Variants in TMEM145 observed in about 807,000 individuals in gnomAD.
The protein encoded by TMEM145 is transmembrane protein 145.
TMEM145 carries 46 observed loss-of-function variants against 68.5 expected under a neutral mutation model. That is an observed-to-expected ratio of 0.67 (90% CI 0.53 to 0.86). The LOEUF (loss-of-function observed/expected upper bound fraction) is 0.86, where lower values mean the gene tolerates loss of function less well. Among genes scored for constraint, TMEM145 ranks in the 40% least tolerant of loss-of-function variants. The pLI is 0.00. For missense variants in TMEM145, 570 were observed against 645.8 expected (o/e 0.88, Z 1.27); for synonymous variants, 255 against 280.2 (o/e 0.91, Z 0.90).
At chr19:42,317,114 A>C in intron 11 of TMEM145, 151 bp downstream of exon 11, 1 of 680,038 alleles carries the variant, frequency 1.5e-6, no homozygotes, top group Non-Finnish European at 2.6e-6. Context: ...CCATCTGTCT[A>C]AGTGATTCCT....
At chr19:42,314,878 G>A (rs199935777) in intron 5 of TMEM145, 27 bp downstream of exon 5, 17 of 1,614,122 alleles carry the variant, frequency 1.1e-5, no homozygotes, top group African/African-American at 2.7e-5. Context: ...GGTATATTGC[G>A]CTCAGCAAGT....
chr19:42,313,369 C>G lies in TMEM145; in HGVS notation c.-8C>G, dbSNP rs1264577421. ...AGCCGGAGCGGAGCCGGGGCCGGAGCGGGCGGAATGGAGCCCCTGCGCGCG... is the reference window on the plus strand; with the variant it reads ...AGCCGGAGCGGAGCCGGGGCCGGAGGGGGCGGAATGGAGCCCCTGCGCGCG... On this transcript the variant is annotated 5_prime_UTR_variant, in exon 1 of 15. Transcript: ENST00000301204. This position sits in a 1 kb window ranked among gnomAD's most constrained non-coding sequence, Gnocchi z 5.1. 2.7e-6 allele frequency: 3 copies of G among 1,116,850 alleles called. No individual in the cohort carries two copies. The highest frequency in any genetic ancestry group is 6.5e-5 in the East Asian group (2 of 30,630). The allele number at this position is 1,116,850 out of a possible 1,614,324, so 69.2% of individuals were successfully genotyped here.
intron 12 of TMEM145, among the ~76,000 whole-genome samples, chr19:42,318,593 A>G (rs1221054191): frequency 6.6e-6 from 1 of 151,548 alleles, no homozygotes; most frequent in Non-Finnish European, 1.5e-5. Context: ...AGGCTGAGGC[A>G]GGAGAATTGC....
At chr19:42,314,556 G>T (rs762416769) in intron 3 of TMEM145, 28 bp downstream of exon 3, 11 of 1,614,168 alleles carry the variant, frequency 6.8e-6, no homozygotes, top group East Asian at 4.5e-5. Flanking sequence ...GGCATAGGGG[G>T]AGAGGGGAGA....
chr19:42,316,080 C>G (rs906699946), intron 8 of TMEM145, among the ~76,000 whole-genome samples: 1 of 151,688 alleles, frequency 6.6e-6, no homozygotes, highest in Non-Finnish European at 1.5e-5. Context: ...ACTCCTGAGT[C>G]TGGGGGAGGA....
chr19:42,323,750 C>A lies in TMEM145; in HGVS notation c.1362C>A (p.Asn454Lys), dbSNP rs757862802. Residue 454 changes from asparagine to lysine, a missense_variant, in exon 14 of 15, where the codon AAC becomes AAA. Asn to Lys is a moderately conservative substitution (Grantham distance 94, BLOSUM62 0). Coordinates refer to ENST00000301204, the MANE Select transcript of TMEM145 (RefSeq NM_173633.3). ...CGTTTATCAGCGACTCGGTGCCCAA[C>A]TTCACGGAGCTCTTCTCCATCCCCC... ...NVTFISDSVP[N>K]FTELFSIPPP... 3 of 1,614,198 alleles carry A rather than the reference C, an allele frequency of 1.9e-6. No homozygotes were observed. The Admixed American group carries it at 5.0e-5, about 27-fold the overall frequency.
chr19:42,324,919 C>G lies in TMEM145; in HGVS notation c.*102C>G. On this transcript the variant is annotated 3_prime_UTR_variant, in exon 15 of 15. Transcript: ENST00000301204. ...ATGGATATTGCGATGCTGGTCTCGA[C>G]CCTGAAACCCTCCCTCGGATCTGTG... is the stretch of plus-strand genomic sequence containing the variant. The G allele has an allele frequency of 7.5e-6, 10 of 1,329,242 alleles. No individual in the cohort carries two copies. The highest frequency in any genetic ancestry group is 9.6e-6 in the Non-Finnish European group (10 of 1,040,606). 82.3% of individuals were successfully genotyped at this position (1,329,242 alleles called of 1,614,324 possible). A position where few individuals can be genotyped will look rare whatever the true frequency, so the allele number is the denominator to read the frequency against.
rs760909718 is a variant in TMEM145, at chr19:42,314,674, C to A, written c.335C>A (p.Thr112Asn). The change falls in exon 4 of 15, where the codon ACC (threonine) becomes AAC (asparagine). Residue 112 changes from threonine (T) to asparagine (N), a missense_variant. Coordinates refer to ENST00000301204, the MANE Select transcript of TMEM145 (RefSeq NM_173633.3). The part of the protein sequence containing the change: ...PENNQVINLT[T>N]QYAWSGCQVV... ...AACAACCAGGTCATCAACCTCACCA[C>A]CCAGTATGCCTGGTCCGGCTGTCAG... The A allele has an allele frequency of 4.3e-6, 7 of 1,614,108 alleles. No individual in the cohort carries two copies. The highest frequency in any genetic ancestry group is 5.9e-6 in the Non-Finnish European group (7 of 1,180,050).
chr19:42,320,937 T>G, intron 13 of TMEM145: 1 of 396,842 alleles, frequency 2.5e-6, no homozygotes, highest in Non-Finnish European at 4.4e-6. Context: ...CCCATGCCCA[T>G]TTTCTTCTGT....
chr19:42,323,804 C>T lies in TMEM145; in HGVS notation c.1401+15C>T, dbSNP rs936508771. The T allele has an allele frequency of 1.9e-6, 3 of 1,612,044 alleles. No homozygotes were observed. Among genetic ancestry groups the T allele is most frequent in the African/African-American group, 1.3e-5 (1 of 74,946 alleles). ...CCGCCACCTCCGTAAGCCCCGCGGCCCCAGCGCCCGAGGAGCTGCTGGCGC... is the reference window on the plus strand; with the variant it reads ...CCGCCACCTCCGTAAGCCCCGCGGCTCCAGCGCCCGAGGAGCTGCTGGCGC... On this transcript the variant is annotated intron_variant, in intron 14 of 14. Coordinates refer to ENST00000301204, the MANE Select transcript of TMEM145 (RefSeq NM_173633.3).
rs1253457182 is a variant in TMEM145, at chr19:42,316,965, T to C, written c.900+2T>C. ...GTGCTGCTCATCTACGAGGCGGAAGTGAGTCCGACTGGCCCCTGGCCGGGC... is the reference window on the plus strand; with the variant it reads ...GTGCTGCTCATCTACGAGGCGGAAGCGAGTCCGACTGGCCCCTGGCCGGGC... On this transcript the variant is annotated splice_donor_variant, in intron 11 of 14. Coordinates refer to ENST00000301204, the MANE Select transcript of TMEM145 (RefSeq NM_173633.3). LOFTEE classifies it high-confidence loss of function. The C allele has an allele frequency of 6.2e-7, 1 of 1,612,666 alleles. No individual in the cohort carries two copies. Among genetic ancestry groups the C allele is most frequent in the Non-Finnish European group, 8.5e-7 (1 of 1,179,630 alleles).
intron 13 of TMEM145, among the ~76,000 whole-genome samples, chr19:42,320,663 T>C (rs575090884): frequency 1.3e-5 from 2 of 151,934 alleles, no homozygotes; most frequent in African/African-American, 4.8e-5. Context: ...AGTCTCACTC[T>C]GTCTCCCAGG....
chr19:42,314,550 T>G, intron 3 of TMEM145, 22 bp downstream of exon 3: 1 of 1,614,106 alleles, frequency 6.2e-7, no homozygotes, highest in Non-Finnish European at 8.5e-7. Flanking sequence ...GAAGAGGGCA[T>G]AGGGGGAGAG....
chr19:42,323,781 G>T lies in TMEM145; in HGVS notation c.1393G>T (p.Ala465Ser), dbSNP rs975167884. The change falls in exon 14 of 15, where the codon GCC becomes TCC. Residue 465 changes from alanine (A) to serine (S), a missense_variant. Transcript: ENST00000301204. ...FTELFSIPPP[A>S]TSPLPRAAPD... is the part of the protein sequence containing the mutation. Reference sequence around the variant, plus strand: ...GGAGCTCTTCTCCATCCCCCCGCCCGCCACCTCCGTAAGCCCCGCGGCCCC... The same window carrying T: ...GGAGCTCTTCTCCATCCCCCCGCCCTCCACCTCCGTAAGCCCCGCGGCCCC... 1.9e-6 allele frequency: 3 copies of T among 1,612,842 alleles called. No individual in the cohort carries two copies. Among genetic ancestry groups the T allele is most frequent in the Non-Finnish European group, 2.5e-6 (3 of 1,179,670 alleles).
At position 42,314,633 on chromosome 19, in the gene TMEM145, A is replaced by G; in HGVS notation, c.294A>G (p.Ser98=). 6.2e-7 allele frequency: 1 copy of G among 1,614,184 alleles called. No homozygotes were observed. Among genetic ancestry groups the G allele is most frequent in the Non-Finnish European group, 8.5e-7 (1 of 1,180,008 alleles). ...AGDKDCLAKE[S]VIRPENNQVI... The stretch of plus-strand genomic sequence containing the variant: ...CCCAGGACTGCCTGGCCAAGGAGTC[A>G]GTGATCCGGCCGGAGAACAACCAGG... The change falls in exon 4 of 15, where the codon TCA becomes TCG. Residue 98 remains serine, a synonymous_variant. Transcript: ENST00000301204.
intron 13 of TMEM145, chr19:42,321,807 T>C (rs1390824109): frequency 6.6e-6 from 1 of 152,212 alleles, no homozygotes; most frequent in African/African-American, 2.4e-5. Context: ...TGAACCAGTC[T>C]GTTTCATTCT....
chr19:42,313,586 G>T lies in TMEM145; in HGVS notation c.120+90G>T. 1 of 1,035,240 alleles carries T rather than the reference G, an allele frequency of 9.7e-7. No individual in the cohort carries two copies. Among genetic ancestry groups the T allele is most frequent in the South Asian group, 4.1e-5 (1 of 24,144 alleles). 64.1% of individuals were successfully genotyped at this position (1,035,240 alleles called of 1,614,324 possible). A position where few individuals can be genotyped will look rare whatever the true frequency, so the allele number is the denominator to read the frequency against. Reference sequence around the variant, plus strand: ...AGCGGGTACCGCCTCGCCCCCTGCCGCCCCTCCTGGCGGACTCCGGGAGCC... The same window carrying T: ...AGCGGGTACCGCCTCGCCCCCTGCCTCCCCTCCTGGCGGACTCCGGGAGCC... On this transcript the variant is annotated intron_variant, in intron 1 of 14. Transcript: ENST00000301204. The surrounding 1 kb of genome is among the most constrained non-coding windows in gnomAD (Gnocchi z 5.1).
In TMEM145 at chr19:42,315,193, C is replaced by T. The variant is rs1243143077; in HGVS notation, c.511C>T (p.Leu171=). Residue 171 remains leucine, a synonymous_variant, in exon 7 of 15, where the codon CTG becomes TTG. Coordinates refer to ENST00000301204, the MANE Select transcript of TMEM145 (RefSeq NM_173633.3). ...TCCTCCTACCAAATCGGCAGGGATCCTGGAGACAGATGTGACCTTCCTCCT... is the reference window on the plus strand; with the variant it reads ...TCCTCCTACCAAATCGGCAGGGATCTTGGAGACAGATGTGACCTTCCTCCT... The part of the protein sequence containing the change: ...RHFSADEFGI[L]ETDVTFLLIF... 1 of 1,610,420 alleles carries T rather than the reference C, an allele frequency of 6.2e-7. No homozygotes were observed. The highest frequency in any genetic ancestry group is 1.3e-5 in the African/African-American group (1 of 74,854).
chr19:42,322,537 T>A (rs1568549747), intron 13 of TMEM145, among the ~76,000 whole-genome samples: 1 of 152,112 alleles, frequency 6.6e-6, no homozygotes, highest in Non-Finnish European at 1.5e-5. Context: ...CGCTCATTGC[T>A]TTCAGCTCCT....
Sources: allele counts gnomAD v4.1 joint callset (sites outside exome capture counted in the v4.1 genomes callset), GRCh38; gene constraint gnomAD v4.1.1; non-coding constraint Gnocchi (gnomAD v3.1); transcripts MANE v1.5; gene names NCBI Gene and HGNC (gene_info 2026-07-23, HGNC 2026-07-21).